TMEM18: variants seen among roughly 807,000 people sequenced by gnomAD.
The protein encoded by TMEM18 is transmembrane protein 18.
Under a neutral mutation model 17.4 loss-of-function variants are expected in TMEM18, and 14 were observed. The observed-to-expected ratio is 0.80, with a 90% CI of 0.53 to 1.25. The LOEUF (loss-of-function observed/expected upper bound fraction) is 1.25, where lower values mean the gene tolerates loss of function less well. Among genes scored for constraint, TMEM18 ranks in the 50% most tolerant of loss-of-function variants. The pLI, the probability that TMEM18 is intolerant of heterozygous loss-of-function variation, is 0.00. For synonymous variants in TMEM18, 86 were observed against 66.1 expected, an observed-to-expected ratio of 1.30 and a Z score of -1.46; for missense variants, 187 against 172.1, an observed-to-expected ratio of 1.09 and a Z score of -0.48.
At position 666,808 on chromosome 2, in the gene TMEM18, CT is replaced by C. The variant is rs1237851892; in HGVS notation, c.*2771del. Among the ~76,000 whole-genome samples the C allele has an allele frequency of 6.6e-6, 1 of 152,074 alleles. No individual in the cohort carries two copies. Among genetic ancestry groups the C allele is most frequent in the Admixed American group, 6.5e-5 (1 of 15,272 alleles). On this transcript the variant is annotated 3_prime_UTR_variant, in exon 5 of 5. Transcript: ENST00000281017. ...AGGGGCTTCAGTAAAGAGGGGAAGG[CT>C]GCACTGAAAACATGTTCTGGTTAAC...
At position 665,332 on chromosome 2, in the gene TMEM18, T is replaced by C. The variant is rs1678654626; in HGVS notation, c.*4248A>G. On this transcript the variant is annotated 3_prime_UTR_variant, in exon 5 of 5. Transcript: ENST00000281017. Reference sequence around the variant, plus strand: ...ATAAAATAGAACCCAGAGATGCAGATGCACCACTCACTCAGATAGAGAATC... The same window carrying C: ...ATAAAATAGAACCCAGAGATGCAGACGCACCACTCACTCAGATAGAGAATC... Among the ~76,000 whole-genome samples the C allele has an allele frequency of 6.7e-6, 1 of 150,370 alleles. No individual in the cohort carries two copies. The highest frequency in any genetic ancestry group is 1.5e-5 in the Non-Finnish European group (1 of 67,750).
rs929458319 is a variant in TMEM18, at chr2:676,802, A to G, written c.57+487T>C. ...CGCCGCACTGCCAGAATCCGCCCAC[A>G]TGGCCCAAGCCCCGCCCGCAAGACG... On this transcript the variant is annotated intron_variant, in intron 1 of 4. Coordinates refer to ENST00000281017, the MANE Select transcript of TMEM18 (RefSeq NM_152834.4). 157 of 707,934 alleles carry G rather than the reference A, an allele frequency of 2.2e-4. No individual in the cohort carries two copies. In the African/African-American group the frequency reaches 2.6e-3, roughly 12 times the overall value. The allele number at this position is 707,934 out of a possible 1,614,324, so 43.9% of individuals were successfully genotyped here.
intron 3 of TMEM18, among the ~76,000 whole-genome samples, chr2:672,057 G>A (rs929337067): frequency 2.0e-5 from 3 of 152,178 alleles, no homozygotes; most frequent in East Asian, 1.9e-4. Flanking sequence ...GGATTTCAGG[G>A]AGTGCTCAAC....
At chr2:671,287 G>A (rs1354916697) in intron 3 of TMEM18, among the ~76,000 whole-genome samples, 2 of 152,338 alleles carry the variant, frequency 1.3e-5, no homozygotes, top group Admixed American at 6.5e-5. Context: ...GGGTGTGGGA[G>A]GGCTTCGGGG....
chr2:669,365 A>AT lies in TMEM18; in HGVS notation c.*214dup. The AT allele has an allele frequency of 1.7e-6, 1 of 585,662 alleles. No homozygotes were observed. Among genetic ancestry groups the AT allele is most frequent in the Non-Finnish European group, 3.0e-6 (1 of 329,742 alleles). The allele number at this position is 585,662 out of a possible 1,614,324, so 36.3% of individuals were successfully genotyped here. A position where few individuals can be genotyped will look rare whatever the true frequency, so the allele number is the denominator to read the frequency against. ...CCGTTCCCACAGCCTGACTACAAAGATCAGGCACCTGAAGACGCATGTCCT... is the reference window on the plus strand; with the variant it reads ...CCGTTCCCACAGCCTGACTACAAAGATTCAGGCACCTGAAGACGCATGTCCT... On this transcript the variant is annotated 3_prime_UTR_variant, in exon 5 of 5. Coordinates refer to ENST00000281017, the MANE Select transcript of TMEM18 (RefSeq NM_152834.4).
At chr2:672,236 G>C (rs990899698) in intron 3 of TMEM18, among the ~76,000 whole-genome samples, 13 of 152,186 alleles carry the variant, frequency 8.5e-5, no homozygotes, top group African/African-American at 2.9e-4. Flanking sequence ...ACAGTCCGTG[G>C]GTCTCACTTG....
rs1413795399 is a variant in TMEM18, at chr2:668,006, T to G, written c.*1574A>C. 2 of 152,214 alleles carry G rather than the reference T, an allele frequency of 1.3e-5. No homozygotes were observed. Among genetic ancestry groups the G allele is most frequent in the African/African-American group, 4.8e-5 (2 of 41,442 alleles). The allele number at this position is 152,214 out of a possible 1,614,324, so 9.4% of individuals were successfully genotyped here. A position where few individuals can be genotyped will look rare whatever the true frequency, so the allele number is the denominator to read the frequency against. On this transcript the variant is annotated 3_prime_UTR_variant, in exon 5 of 5. Transcript: ENST00000281017. Reference sequence around the variant, plus strand: ...TAAACAAGAAGTTTAATTGACTCAGTTCCACATGGCCGGGGAGGCCTCGGG... The same window carrying G: ...TAAACAAGAAGTTTAATTGACTCAGGTCCACATGGCCGGGGAGGCCTCGGG...
At chr2:676,969 C>A (rs1039176044) in intron 1 of TMEM18, among the ~76,000 whole-genome samples, 1 of 152,022 alleles carries the variant, frequency 6.6e-6, no homozygotes, top group Non-Finnish European at 1.5e-5. Flanking sequence ...CAGCTCACTG[C>A]GCACGCTCCT....
chr2:674,804 A>G (rs538422217), intron 2 of TMEM18, among the ~76,000 whole-genome samples: 2 of 152,364 alleles, frequency 1.3e-5, no homozygotes, highest in African/African-American at 4.8e-5. Context: ...AGCCTGAGCC[A>G]GGCCTCCAGG....
At chr2:676,966 C>T (rs184120622) in intron 1 of TMEM18, among the ~76,000 whole-genome samples, 2,028 of 152,154 alleles carry the variant, frequency 0.013, 46 homozygotes, top group African/African-American at 0.047. Flanking sequence ...AGCCAGCTCA[C>T]TGCGCACGCT....
At position 677,336 on chromosome 2, in the gene TMEM18, C is replaced by A; in HGVS notation, c.10G>T (p.Ala4Ser). 1.2e-6 allele frequency: 2 copies of A among 1,612,180 alleles called. No homozygotes were observed. Among genetic ancestry groups the A allele is most frequent in the South Asian group, 2.2e-5 (2 of 90,696 alleles). The change falls in exon 1 of 5, where the codon GCC becomes TCC. Residue 4 changes from alanine (A) to serine (S), a missense_variant. Coordinates refer to ENST00000281017, the MANE Select transcript of TMEM18 (RefSeq NM_152834.4). ...ACGGGGAAAGAGCTGACAGAGAAGG[C>A]GGACGGCATGGTGTTGGGAAGCCCG... The part of the protein sequence containing the change: MPS[A>S]FSVSSFPVSI...
intron 1 of TMEM18, chr2:676,611 T>G: frequency 6.4e-7 from 1 of 1,550,518 alleles, no homozygotes; most frequent in Non-Finnish European, 8.7e-7. Flanking sequence ...GGAGCACGGC[T>G]TTCTGCCCAG....
intron 1 of TMEM18, chr2:676,559 C>T (rs1171000159): frequency 1.3e-6 from 2 of 1,550,316 alleles, no homozygotes; most frequent in South Asian, 2.4e-5. Context: ...CATCTACTCC[C>T]ATCAATGCAC....
chr2:668,746 G>A lies in TMEM18; in HGVS notation c.*834C>T, dbSNP rs1265830836. 2.0e-5 allele frequency: 3 copies of A among 152,204 alleles called. No homozygotes were observed. Among genetic ancestry groups the A allele is most frequent in the Non-Finnish European group, 4.4e-5 (3 of 68,050 alleles). The allele number at this position is 152,204 out of a possible 1,614,324, so 9.4% of individuals were successfully genotyped here. On this transcript the variant is annotated 3_prime_UTR_variant, in exon 5 of 5. Transcript: ENST00000281017. ...GATATTGCAAAGTAACAGTATGCCT[G>A]TCCTAACAGAACTGGGAGCATTGTG...
chr2:676,748 C>G, intron 1 of TMEM18: 5 of 1,092,270 alleles, frequency 4.6e-6, no homozygotes, highest in Non-Finnish European at 5.2e-6. Flanking sequence ...CGTGCCACCC[C>G]ACACGATCAG....
chr2:667,914 T>C lies in TMEM18; in HGVS notation c.*1666A>G, dbSNP rs1678734426. On this transcript the variant is annotated 3_prime_UTR_variant, in exon 5 of 5. Transcript: ENST00000281017. ...GGCCCCATATTAAGTCCAAATAACA[T>C]ATAGATGTTTAATTAGTCTGTTCTC... 1 of 152,192 alleles carries C rather than the reference T, an allele frequency of 6.6e-6. No homozygotes were observed. Among genetic ancestry groups the C allele is most frequent in the Non-Finnish European group, 1.5e-5 (1 of 68,044 alleles). 9.4% of individuals were successfully genotyped at this position (152,192 alleles called of 1,614,324 possible). A position where few individuals can be genotyped will look rare whatever the true frequency, so the allele number is the denominator to read the frequency against.
In TMEM18 at chr2:665,696, A is replaced by ATGCAGATGCCCCACTCACTCAGATGGAGC. The variant is rs1678670031; in HGVS notation, c.*3883_*3884insGCTCCATCTGAGTGAGTGGGGCATCTGCA. On this transcript the variant is annotated 3_prime_UTR_variant, in exon 5 of 5. Coordinates refer to ENST00000281017, the MANE Select transcript of TMEM18 (RefSeq NM_152834.4). The stretch of plus-strand genomic sequence containing the variant: ...AGATGCCCCACTCACTCAGATAGAG[A>ATGCAGATGCCCCACTCACTCAGATGGAGC]ATCAACCCTACATACAACAGGACCC... Among the ~76,000 whole-genome samples, 1 of 76,194 alleles carries ATGCAGATGCCCCACTCACTCAGATGGAGC rather than the reference A, an allele frequency of 1.3e-5. No homozygotes were observed. Among genetic ancestry groups the ATGCAGATGCCCCACTCACTCAGATGGAGC allele is most frequent in the Admixed American group, 1.3e-4 (1 of 7,570 alleles). The allele number at this position is 76,194 out of a possible 152,430, so 50.0% of individuals were successfully genotyped here.
intron 2 of TMEM18, among the ~76,000 whole-genome samples, chr2:673,370 A>C (rs1678909109): frequency 6.6e-6 from 1 of 152,044 alleles, no homozygotes; most frequent in African/African-American, 2.4e-5. Context: ...AAGGCACGGG[A>C]GGGAGGGCAG....
chr2:670,086 A>G, intron 3 of TMEM18: 1 of 491,650 alleles, frequency 2.0e-6, no homozygotes, highest in Non-Finnish European at 3.6e-6. Context: ...ACCACCCAGC[A>G]GCACAGGAAA....
Sources: allele counts gnomAD v4.1 joint callset (sites outside exome capture counted in the v4.1 genomes callset), GRCh38; gene constraint gnomAD v4.1.1; transcripts MANE v1.5; gene names NCBI Gene and HGNC (gene_info 2026-07-23, HGNC 2026-07-21).